Variants in TRAPPC10 observed in about 807,000 individuals in gnomAD.
The protein encoded by TRAPPC10 is trafficking protein particle complex subunit 10.
In TRAPPC10, 23 loss-of-function variants were observed where a neutral mutation model predicts 125.5. The observed-to-expected ratio is 0.18, with a 90% CI of 0.13 to 0.26. The LOEUF (loss-of-function observed/expected upper bound fraction) is 0.26, where lower values mean the gene tolerates loss of function less well. Among genes scored for constraint, TRAPPC10 ranks in the 10% least tolerant of loss-of-function variants. TRAPPC10 has a pLI of 1.00. For synonymous variants in TRAPPC10, 509 were observed against 518.0 expected (o/e 0.98, Z 0.24); for missense variants, 1,123 against 1,308.4 (o/e 0.86, Z 2.19).
In TRAPPC10 at chr21:44,087,524, C is replaced by T. The variant is rs538732498; in HGVS notation, c.2540-175C>T. Among the ~76,000 whole-genome samples the T allele has an allele frequency of 2.6e-5, 4 of 152,224 alleles. No individual in the cohort carries two copies. Among genetic ancestry groups the T allele is most frequent in the East Asian group, 3.9e-4 (2 of 5,154 alleles). Reference sequence around the variant, plus strand: ...ATGGGTCTGGGCGCCTGCCTGCCGGCTTTCACACAGGGCTGCTCTGTCCTA... The same window carrying T: ...ATGGGTCTGGGCGCCTGCCTGCCGGTTTTCACACAGGGCTGCTCTGTCCTA... On this transcript the variant is annotated intron_variant, in intron 16 of 22. Coordinates refer to ENST00000291574, the MANE Select transcript of TRAPPC10 (RefSeq NM_003274.5). This position sits in a 1 kb window ranked among gnomAD's most constrained non-coding sequence, Gnocchi z 4.6.
Position 44,077,715 on chromosome 21 carries a change from A to G in TRAPPC10, c.1400A>G (p.Glu467Gly). The G allele has an allele frequency of 4.4e-6, 7 of 1,606,704 alleles. No individual in the cohort carries two copies. Among genetic ancestry groups the G allele is most frequent in the Non-Finnish European group, 6.0e-6 (7 of 1,175,576 alleles). ...CAGGATTTGTCCCATGCCACCATTG[A>G]AATGTATACAAGCATTGGGAGGATT... ...HYLDLSHATI[E>G]MYTSIGRIRS... Residue 467 changes from glutamate to glycine, a missense_variant, in exon 11 of 23, where the codon GAA (glutamate) becomes GGA (glycine). Physicochemically the swap from Glu to Gly is moderately conservative, Grantham distance 98. Coordinates refer to ENST00000291574, the MANE Select transcript of TRAPPC10 (RefSeq NM_003274.5).
At position 44,087,970 on chromosome 21, in the gene TRAPPC10, G is replaced by A. The variant is rs745434601; in HGVS notation, c.2769+42G>A. ...GAGGAGCTTAGCTTGTGGGGCGTCC[G>A]CCGCCCGCCTGCCTGCTGGGAAAGG... On this transcript the variant is annotated intron_variant, in intron 17 of 22. Coordinates refer to ENST00000291574, the MANE Select transcript of TRAPPC10 (RefSeq NM_003274.5). The surrounding 1 kb of genome is among the most constrained non-coding windows in gnomAD (Gnocchi z 4.6). 4.6e-6 allele frequency: 7 copies of A among 1,531,322 alleles called. No homozygotes were observed. Among genetic ancestry groups the A allele is most frequent in the South Asian group, 1.2e-5 (1 of 86,122 alleles). The allele number at this position is 1,531,322 out of a possible 1,614,324, so 94.9% of individuals were successfully genotyped here.
At position 44,039,651 on chromosome 21, in the gene TRAPPC10, G is replaced by C. The variant is rs965861416; in HGVS notation, c.285+1724G>C. ...GGAGGCCAAGGCGGGTGGGTCACAA[G>C]GTCAGGAGTTTGAGACCAGCCTGGC... On this transcript the variant is annotated intron_variant, in intron 3 of 22. Transcript: ENST00000291574. Among the ~76,000 whole-genome samples the C allele has an allele frequency of 2.6e-5, 4 of 152,212 alleles. No individual in the cohort carries two copies. In the East Asian group the frequency reaches 7.7e-4, roughly 29 times the overall value.
chr21:44,089,590 G>T (rs1462137578), intron 17 of TRAPPC10: 7 of 551,688 alleles, frequency 1.3e-5, no homozygotes, highest in Non-Finnish European at 2.4e-5. Flanking sequence ...GGTGACTCTG[G>T]TGATGTGTGC....
Position 44,036,212 on chromosome 21 carries a change from CAGA to C in TRAPPC10, c.150-1572_150-1570del, listed in dbSNP as rs759742964. 3.9e-5 allele frequency among the ~76,000 whole-genome samples: 6 copies of C among 152,194 alleles called. No homozygotes were observed. In the East Asian group the frequency reaches 7.7e-4, roughly 20 times the overall value. ...ATCATGCCAGGGAATCAGAGAGAAA[CAGA>C]AGAAGAACCAAGTAGACAGTTTCTA... On this transcript the variant is annotated intron_variant, in intron 2 of 22. Transcript: ENST00000291574.
intron 7 of TRAPPC10, among the ~76,000 whole-genome samples, chr21:44,064,334 T>TGTGTGA (rs1033968037): frequency 7.5e-6 from 1 of 132,634 alleles, no homozygotes; most frequent in African/African-American, 3.2e-5. Flanking sequence ...TGTGTGTGTG[T>TGTGTGA]GTGTGAGTGT....
intron 1 of TRAPPC10, among the ~76,000 whole-genome samples, chr21:44,030,004 G>A (rs1027406743): frequency 6.6e-6 from 1 of 152,208 alleles, no homozygotes; most frequent in Non-Finnish European, 1.5e-5. Flanking sequence ...TGGATGTGCT[G>A]ATTGACTGGT....
At position 44,085,345 on chromosome 21, in the gene TRAPPC10, G is replaced by A. The variant is rs556297956; in HGVS notation, c.2380+1082G>A. ...CACATTAGGCCAAGAAGCAGCTAATGTCTACCACAGGGTTTCATAAATATG... is the reference window on the plus strand; with the variant it reads ...CACATTAGGCCAAGAAGCAGCTAATATCTACCACAGGGTTTCATAAATATG... On this transcript the variant is annotated intron_variant, in intron 15 of 22. Transcript: ENST00000291574. Among the ~76,000 whole-genome samples, 3 of 152,210 alleles carry A rather than the reference G, an allele frequency of 2.0e-5. No individual in the cohort carries two copies. The South Asian group carries it at 6.2e-4, about 32-fold the overall frequency.
intron 1 of TRAPPC10, among the ~76,000 whole-genome samples, chr21:44,027,986 A>G (rs1452124697): frequency 1.3e-5 from 2 of 152,164 alleles, no homozygotes; most frequent in Non-Finnish European, 2.9e-5. Context: ...AAGCCATCCT[A>G]GTTTATTGTA....
At chr21:44,016,964 T>A (rs995252726) in intron 1 of TRAPPC10, among the ~76,000 whole-genome samples, 11 of 152,216 alleles carry the variant, frequency 7.2e-5, no homozygotes, top group Non-Finnish European at 1.5e-4. Flanking sequence ...CAGGTTAAAG[T>A]TTTTAAATTT....
chr21:44,059,271 C>G lies in TRAPPC10; in HGVS notation c.790+57C>G. 7.6e-7 allele frequency: 1 copy of G among 1,322,422 alleles called. No individual in the cohort carries two copies. Among genetic ancestry groups the G allele is most frequent in the Non-Finnish European group, 1.1e-6 (1 of 946,226 alleles). 81.9% of individuals were successfully genotyped at this position (1,322,422 alleles called of 1,614,324 possible). A position where few individuals can be genotyped will look rare whatever the true frequency, so the allele number is the denominator to read the frequency against. Reference sequence around the variant, plus strand: ...TTCTTAGTGTGGCTTTCTCCAACTTCAGATAGGCTTGAAGCAGCCATTTAT... The same window carrying G: ...TTCTTAGTGTGGCTTTCTCCAACTTGAGATAGGCTTGAAGCAGCCATTTAT... On this transcript the variant is annotated intron_variant, in intron 6 of 22. Coordinates refer to ENST00000291574, the MANE Select transcript of TRAPPC10 (RefSeq NM_003274.5). The surrounding 1 kb of genome is among the most constrained non-coding windows in gnomAD (Gnocchi z 4.4).
rs977145287 is a variant in TRAPPC10 at position 44,045,469 on chromosome 21, T to C, written c.286-6811T>C. On this transcript the variant is annotated intron_variant, in intron 3 of 22. Coordinates refer to ENST00000291574, the MANE Select transcript of TRAPPC10 (RefSeq NM_003274.5). ...GATGTTTCACCTCTTTTGGGTTCCA[T>C]TGTTTCCCATGAGAAATCTTTCATT... Among the ~76,000 whole-genome samples, 9 of 152,222 alleles carry C rather than the reference T, an allele frequency of 5.9e-5. No individual in the cohort carries two copies. The South Asian group carries it at 1.2e-3, about 21-fold the overall frequency.
At chr21:44,018,616 T>C (rs2032139412) in intron 1 of TRAPPC10, among the ~76,000 whole-genome samples, 1 of 151,826 alleles carries the variant, frequency 6.6e-6, no homozygotes. Context: ...GGAGAATTGC[T>C]TGAATCTGGG....
At chr21:44,056,701 A>T (rs1357505403) in intron 5 of TRAPPC10, among the ~76,000 whole-genome samples, 2 of 152,222 alleles carry the variant, frequency 1.3e-5, no homozygotes, top group Non-Finnish European at 1.5e-5. Context: ...AGTGAAAGAC[A>T]GACTGTGAAG....
At chr21:44,023,780 T>G (rs779458050) in intron 1 of TRAPPC10, among the ~76,000 whole-genome samples, 3 of 152,106 alleles carry the variant, frequency 2.0e-5, no homozygotes, top group Non-Finnish European at 2.9e-5. Context: ...TTTTTTGTTT[T>G]TGTTTTGTTT....
At chr21:44,015,652 T>C (rs963507019) in intron 1 of TRAPPC10, among the ~76,000 whole-genome samples, 1 of 151,776 alleles carries the variant, frequency 6.6e-6, no homozygotes, top group Non-Finnish European at 1.5e-5. Flanking sequence ...TCTTGTTCTC[T>C]TGCCCAGGCT....
intron 3 of TRAPPC10, among the ~76,000 whole-genome samples, chr21:44,043,447 C>T (rs1165042131): frequency 2.6e-5 from 4 of 152,140 alleles, no homozygotes; most frequent in East Asian, 1.9e-4. Flanking sequence ...CTCCTGACCT[C>T]GTGATCCACC....
chr21:44,054,909 G>T (rs990526203), intron 4 of TRAPPC10, among the ~76,000 whole-genome samples: 4 of 152,176 alleles, frequency 2.6e-5, no homozygotes, highest in Admixed American at 6.5e-5. Context: ...CCACGCCTGG[G>T]TGGAAGGAAT....
intron 1 of TRAPPC10, among the ~76,000 whole-genome samples, chr21:44,016,784 G>T (rs1035087300): frequency 6.6e-6 from 1 of 152,040 alleles, no homozygotes; most frequent in Non-Finnish European, 1.5e-5. Flanking sequence ...TCAGCCTTCC[G>T]AGTAGCTGGG....
Sources: gnomAD v4.1 joint callset for allele counts (sites outside exome capture counted in the v4.1 genomes callset) on GRCh38, gnomAD v4.1.1 for gene constraint, Gnocchi (gnomAD v3.1) non-coding constraint, MANE v1.5 for transcripts, NCBI Gene and HGNC (gene_info 2026-07-23, HGNC 2026-07-21) for gene names.